The following EGFR variants were observed in gnomAD, a reference collection of about 807,000 sequenced individuals.
The protein encoded by EGFR is epidermal growth factor receptor.
In EGFR, 58 loss-of-function variants were observed where a neutral mutation model predicts 143.0. The observed-to-expected ratio is 0.41, with a 90% CI of 0.33 to 0.50. The LOEUF (loss-of-function observed/expected upper bound fraction) is 0.50. Among genes scored for constraint, EGFR ranks in the 20% least tolerant of loss-of-function variants. EGFR has a pLI of 0.39. For missense variants in EGFR, 1,307 were observed against 1,579.0 expected, an observed-to-expected ratio of 0.83 and a Z score of 2.92; for synonymous variants, 613 against 594.4, an observed-to-expected ratio of 1.03 and a Z score of -0.45.
intron 1 of EGFR, among the ~76,000 whole-genome samples, chr7:55,118,606 A>C (rs1793014298): frequency 6.6e-6 from 1 of 152,206 alleles, no homozygotes; most frequent in African/African-American, 2.4e-5. Flanking sequence ...GGCTGTGGCT[A>C]GCTGGATAGA....
chr7:55,081,124 C>T (rs28374832), intron 1 of EGFR, among the ~76,000 whole-genome samples: 31,919 of 151,952 alleles, frequency 0.21, 4,032 homozygotes, highest in African/African-American at 0.35. Flanking sequence ...AGTATTTTTC[C>T]TCATGTAAAA....
rs1002875791 is a variant in EGFR, at chr7:55,208,892, C to T, written c.*3275C>T. The T allele has an allele frequency of 2.6e-5, 4 of 152,124 alleles. No individual in the cohort carries two copies. The highest frequency in any genetic ancestry group is 7.2e-5 in the African/African-American group (3 of 41,406). The allele number at this position is 152,124 out of a possible 1,614,324, so 9.4% of individuals were successfully genotyped here. On this transcript the variant is annotated 3_prime_UTR_variant, in exon 28 of 28. Transcript: ENST00000275493. ...TTGATTTTCTCAGGTGCAGCCCAGC[C>T]GTAGGGCCTTTTCAGAGCACCCCCT...
chr7:55,155,742 C>A (rs2128937146), intron 7 of EGFR, 88 bp from the exon 8 acceptor site: 2 of 964,438 alleles, frequency 2.1e-6, no homozygotes, highest in Non-Finnish European at 3.4e-6. Context: ...GCCTTTCCAT[C>A]ACCCCTCAAG....
At chr7:55,184,811 T>G (rs1372597817) in intron 20 of EGFR, among the ~76,000 whole-genome samples, 2 of 152,240 alleles carry the variant, frequency 1.3e-5, no homozygotes, top group African/African-American at 4.8e-5. Context: ...CAGCTGTCCC[T>G]GGAGGGAAAT....
At position 55,126,846 on chromosome 7, in the gene EGFR, T is replaced by C. The variant is rs185724119; in HGVS notation, c.89-15440T>C. Among the ~76,000 whole-genome samples the C allele has an allele frequency of 7.4e-4, 112 of 152,330 alleles. 1 individual carries two copies. The highest frequency in any genetic ancestry group is 2.0e-3 in the Admixed American group (30 of 15,304). On this transcript the variant is annotated intron_variant, in intron 1 of 27. Coordinates refer to ENST00000275493, the MANE Select transcript of EGFR (RefSeq NM_005228.5). ...TGTTTGTCAGGGGATGAGTGAGATA[T>C]TCATTATACAAAAAGTAGTGTGGAT...
At chr7:55,079,218 A>G (rs1790320528) in intron 1 of EGFR, among the ~76,000 whole-genome samples, 1 of 152,068 alleles carries the variant, frequency 6.6e-6, no homozygotes, top group African/African-American at 2.4e-5. Flanking sequence ...AGGAAAGGTC[A>G]GAAGAGGAGA....
intron 20 of EGFR, among the ~76,000 whole-genome samples, chr7:55,186,195 A>T (rs990478524): frequency 6.6e-6 from 1 of 152,242 alleles, no homozygotes; most frequent in Non-Finnish European, 1.5e-5. Flanking sequence ...GAGAGAGTGA[A>T]AGTGACACTG....
chr7:55,035,686 G>GAA (rs35456043), intron 1 of EGFR, among the ~76,000 whole-genome samples: 10 of 117,984 alleles, frequency 8.5e-5, no homozygotes, highest in South Asian at 2.8e-4. Context: ...CTCTGTCTCG[G>GAA]AAAAAAAAAA....
intron 1 of EGFR, among the ~76,000 whole-genome samples, chr7:55,066,086 G>A (rs1350001717): frequency 2.6e-5 from 4 of 152,074 alleles, no homozygotes; most frequent in East Asian, 1.9e-4. Flanking sequence ...TGACTGAGGC[G>A]TTCGTGGTGT....
intron 24 of EGFR, chr7:55,200,774 C>G (rs2128970753): frequency 6.2e-6 from 3 of 482,414 alleles, no homozygotes; most frequent in South Asian, 2.2e-5. Context: ...TTCGCATCAC[C>G]CAGGCAGCCG....
At chr7:55,019,843 G>A (rs944906742) in intron 1 of EGFR, among the ~76,000 whole-genome samples, 3 of 152,170 alleles carry the variant, frequency 2.0e-5, no homozygotes, top group Non-Finnish European at 1.5e-5. Flanking sequence ...GCACTGTTTA[G>A]GGAAGCTGAG....
chr7:55,188,163 G>A (rs1454964380), intron 20 of EGFR, among the ~76,000 whole-genome samples: 4 of 152,196 alleles, frequency 2.6e-5, no homozygotes, highest in African/African-American at 9.7e-5. Context: ...AGTGTTGATA[G>A]GAAAGCCCTC....
intron 21 of EGFR, among the ~76,000 whole-genome samples, chr7:55,192,209 A>T (rs1354639230): frequency 6.6e-6 from 1 of 152,172 alleles, no homozygotes; most frequent in African/African-American, 2.4e-5. Flanking sequence ...TTGGTGGTCC[A>T]CTGCTGTCAA....
At chr7:55,046,588 A>G (rs1225258786) in intron 1 of EGFR, among the ~76,000 whole-genome samples, 8 of 68,094 alleles carry the variant, frequency 1.2e-4, no homozygotes, top group Middle Eastern at 6.4e-3. Flanking sequence ...ATGTTCTTGG[A>G]AAAAAAAAAA....
chr7:55,088,279 G>A (rs369924546), intron 1 of EGFR, among the ~76,000 whole-genome samples: 1 of 152,280 alleles, frequency 6.6e-6, no homozygotes, highest in East Asian at 1.9e-4. Flanking sequence ...GATGGGGGAG[G>A]CCCCCTTCGC....
At chr7:55,091,818 G>A (rs1791132653) in intron 1 of EGFR, among the ~76,000 whole-genome samples, 2 of 148,500 alleles carry the variant, frequency 1.3e-5, no homozygotes, top group Non-Finnish European at 3.0e-5. Context: ...ATCTCGTAGA[G>A]CAACTTATCC....
intron 1 of EGFR, among the ~76,000 whole-genome samples, chr7:55,089,954 ATTTATTTATT>A (rs905137053): frequency 3.3e-5 from 5 of 150,104 alleles, no homozygotes; most frequent in Admixed American, 2.0e-4. Flanking sequence ...TTATTTATTT[ATTTATTTATT>A]TATTTATTTA....
intron 1 of EGFR, among the ~76,000 whole-genome samples, chr7:55,023,963 G>A (rs1470821619): frequency 6.6e-6 from 1 of 152,112 alleles, no homozygotes; most frequent in Non-Finnish European, 1.5e-5. Flanking sequence ...GTCCTCCATT[G>A]GGCCCATAGG....
In EGFR at chr7:55,201,927, C is replaced by T. The variant is rs143302050; in HGVS notation, c.3162+145C>T. On this transcript the variant is annotated intron_variant, in intron 26 of 27. Transcript: ENST00000275493. ...TGGGTTTTTCCCTGCACGGCTGTCA[C>T]GCCTCACAGTGCCGTTCAAAGCGTG... The T allele has an allele frequency of 2.1e-4, 200 of 970,240 alleles. 1 individual carries two copies. The highest frequency in any genetic ancestry group is 1.7e-3 in the South Asian group (122 of 73,046). The allele number at this position is 970,240 out of a possible 1,614,324, so 60.1% of individuals were successfully genotyped here. A position where few individuals can be genotyped will look rare whatever the true frequency, so the allele number is the denominator to read the frequency against.
Sources: allele counts gnomAD v4.1 joint callset (sites outside exome capture counted in the v4.1 genomes callset), GRCh38; gene constraint gnomAD v4.1.1; transcripts MANE v1.5; gene names NCBI Gene and HGNC (gene_info 2026-07-23, HGNC 2026-07-21).